Variants in GSTCD observed in about 807,000 individuals in gnomAD.
GSTCD encodes glutathione S-transferase C-terminal domain containing.
A neutral mutation model predicts 68.3 loss-of-function variants in GSTCD; 44 were observed. That is an observed-to-expected ratio of 0.64 (90% confidence interval 0.51 to 0.83). The LOEUF (loss-of-function observed/expected upper bound fraction) is 0.83. Ranked by LOEUF, GSTCD falls within the 40% of genes least tolerant of loss-of-function variation. GSTCD has a pLI of 0.00. For synonymous variants in GSTCD, 273 were observed against 255.2 expected (o/e 1.07, Z -0.67); for missense variants, 739 against 735.9 (o/e 1.00, Z -0.05).
In GSTCD at chr4:105,815,347, G is replaced by A. The variant is rs17264338; in HGVS notation, c.1241-7607G>A. 1,303 of 152,188 alleles carry A rather than the reference G, an allele frequency of 8.6e-3. 11 individuals are homozygous for A. The highest frequency in any genetic ancestry group is 0.014 in the Non-Finnish European group (944 of 68,004). 9.4% of individuals were successfully genotyped at this position (152,188 alleles called of 1,614,324 possible). On this transcript the variant is annotated intron_variant, in intron 5 of 11. Coordinates refer to ENST00000515279, the MANE Select transcript of GSTCD (RefSeq NM_001370181.1). The stretch of plus-strand genomic sequence containing the variant: ...AGAGCACCATGTTGTTTCTGTATTA[G>A]ATAGATCAAACAGTCATGAAGCTGA...
Position 105,774,229 on chromosome 4 carries a change from T to C in GSTCD, c.1240+44730T>C, listed in dbSNP as rs1050260264. ...TGGTAAATATTCCTCCATCCCTTTATTTTGAGCCTATGTATGTCTTTGCAC... is the reference window on the plus strand; with the variant it reads ...TGGTAAATATTCCTCCATCCCTTTACTTTGAGCCTATGTATGTCTTTGCAC... On this transcript the variant is annotated intron_variant, in intron 5 of 11. Transcript: ENST00000515279. Among the ~76,000 whole-genome samples, 10 of 152,348 alleles carry C rather than the reference T, an allele frequency of 6.6e-5. No individual in the cohort carries two copies. In the East Asian group the frequency reaches 1.9e-3, roughly 29 times the overall value.
At chr4:105,749,627 C>A (rs949629166) in intron 5 of GSTCD, among the ~76,000 whole-genome samples, 6 of 149,348 alleles carry the variant, frequency 4.0e-5, no homozygotes, top group African/African-American at 7.4e-5. Flanking sequence ...AAAAAAAAAT[C>A]TCTACCTAAA....
intron 5 of GSTCD, among the ~76,000 whole-genome samples, chr4:105,745,965 A>G (rs773724036): frequency 6.6e-6 from 1 of 152,270 alleles, no homozygotes; most frequent in South Asian, 2.1e-4. Flanking sequence ...GGAGAGTGAT[A>G]TGGGGAGAGT....
chr4:105,741,332 G>A (rs959590888), intron 5 of GSTCD, among the ~76,000 whole-genome samples: 1 of 152,110 alleles, frequency 6.6e-6, no homozygotes, highest in African/African-American at 2.4e-5. Context: ...TGTATACAAA[G>A]ATAGTAAAGA....
chr4:105,829,871 T>C (rs2553456), intron 8 of GSTCD, among the ~76,000 whole-genome samples: 121,585 of 151,878 alleles, frequency 0.8, 49,277 homozygotes, highest in East Asian at 0.96. Flanking sequence ...TCTTGAAAAA[T>C]AAAAATGTTA....
intron 5 of GSTCD, among the ~76,000 whole-genome samples, chr4:105,743,654 T>TTTTTATTC (rs1733710054): frequency 4.5e-5 from 4 of 89,190 alleles, no homozygotes; most frequent in Admixed American, 1.1e-4. Flanking sequence ...CAGGACATTC[T>TTTTTATTC]TTTTTTTTTT....
chr4:105,727,143 G>C (rs369715008), intron 4 of GSTCD, among the ~76,000 whole-genome samples: 2 of 148,164 alleles, frequency 1.3e-5, no homozygotes, highest in South Asian at 4.2e-4. Flanking sequence ...ATCATACCTG[G>C]TCAAGTATAC....
chr4:105,732,923 T>G (rs540446236), intron 5 of GSTCD, among the ~76,000 whole-genome samples: 1 of 152,242 alleles, frequency 6.6e-6, no homozygotes, highest in African/African-American at 2.4e-5. Flanking sequence ...AGAACATCTT[T>G]ATTCTGCCTT....
intron 3 of GSTCD, among the ~76,000 whole-genome samples, chr4:105,721,913 G>T (rs974884296): frequency 1.2e-4 from 18 of 152,030 alleles, no homozygotes; most frequent in Admixed American, 8.5e-4. Context: ...AGTAGATAGC[G>T]TATCAACATT....
chr4:105,788,426 T>A (rs2553471), intron 5 of GSTCD, among the ~76,000 whole-genome samples: 1 of 151,936 alleles, frequency 6.6e-6, no homozygotes, highest in Admixed American at 6.6e-5. Context: ...ACTATGTTGT[T>A]CTGTTTTCTC....
At chr4:105,766,885 C>CTTTTTTTTTTT (rs1491149179) in intron 5 of GSTCD, among the ~76,000 whole-genome samples, 1 of 23,040 alleles carries the variant, frequency 4.3e-5, no homozygotes, top group African/African-American at 1.7e-4. Context: ...AGGTTTTTGA[C>CTTTTTTTTTTT]TCTTTTTTTT....
chr4:105,745,475 A>G (rs865993744), intron 5 of GSTCD, among the ~76,000 whole-genome samples: 4 of 152,188 alleles, frequency 2.6e-5, no homozygotes, highest in Non-Finnish European at 4.4e-5. Flanking sequence ...TTTGGCCTCA[A>G]ATACCCATGT....
At chr4:105,734,552 A>T (rs1733386982) in intron 5 of GSTCD, among the ~76,000 whole-genome samples, 1 of 151,892 alleles carries the variant, frequency 6.6e-6, no homozygotes, top group Admixed American at 6.6e-5. Context: ...TCATTTAAGG[A>T]CTTCTCTACT....
chr4:105,788,384 G>A (rs1460891440), intron 5 of GSTCD, among the ~76,000 whole-genome samples: 3 of 151,976 alleles, frequency 2.0e-5, no homozygotes, highest in Admixed American at 6.5e-5. Context: ...TAGAGCTAAA[G>A]CCCGTTTTCT....
At chr4:105,819,396 AC>A (rs950421880) in intron 5 of GSTCD, among the ~76,000 whole-genome samples, 17 of 151,868 alleles carry the variant, frequency 1.1e-4, no homozygotes, top group African/African-American at 4.1e-4. Context: ...ATACTTTTGC[AC>A]ATAATTAACA....
At chr4:105,735,388 C>G (rs769585877) in intron 5 of GSTCD, among the ~76,000 whole-genome samples, 10 of 152,216 alleles carry the variant, frequency 6.6e-5, no homozygotes, top group Admixed American at 6.5e-4. Flanking sequence ...GCACCCCTTC[C>G]CCAGCCTCGC....
chr4:105,830,149 G>C (rs1291174271), intron 8 of GSTCD, among the ~76,000 whole-genome samples: 4 of 152,082 alleles, frequency 2.6e-5, no homozygotes. Flanking sequence ...CATTTCTTTT[G>C]ATAAAGTTAA....
At position 105,847,596 on chromosome 4, in the gene GSTCD, C is replaced by T. The variant is rs1173593826; in HGVS notation, c.*2019C>T. On this transcript the variant is annotated 3_prime_UTR_variant, in exon 12 of 12. Transcript: ENST00000515279. ...GTAAACACATTGAGAATATTTTTTCCAGTCTGTGGCTTACCTACTTATTTT... is the reference window on the plus strand; with the variant it reads ...GTAAACACATTGAGAATATTTTTTCTAGTCTGTGGCTTACCTACTTATTTT... 2.0e-5 allele frequency: 3 copies of T among 152,064 alleles called. No homozygotes were observed. Among genetic ancestry groups the T allele is most frequent in the Non-Finnish European group, 2.9e-5 (2 of 67,994 alleles). 9.4% of individuals were successfully genotyped at this position (152,064 alleles called of 1,614,324 possible).
At chr4:105,818,152 T>C (rs1423960924) in intron 5 of GSTCD, among the ~76,000 whole-genome samples, 1 of 151,902 alleles carries the variant, frequency 6.6e-6, no homozygotes, top group Non-Finnish European at 1.5e-5. Flanking sequence ...GTTATTTTAA[T>C]GAATTATACT....
Sources: allele counts gnomAD v4.1 joint callset (sites outside exome capture counted in the v4.1 genomes callset), GRCh38; gene constraint gnomAD v4.1.1; transcripts MANE v1.5; gene names NCBI Gene and HGNC (gene_info 2026-07-23, HGNC 2026-07-21).